SEMA3E: variants seen among roughly 807,000 people sequenced by gnomAD.
The protein encoded by SEMA3E is semaphorin 3E, also known as semaphorin-3E.
Under a neutral mutation model 93.6 loss-of-function variants are expected in SEMA3E, and 49 were observed. That is an observed-to-expected ratio of 0.52 (90% CI 0.42 to 0.66). The LOEUF is 0.66. Ranked by LOEUF, SEMA3E falls within the 30% of genes least tolerant of loss-of-function variation. The pLI is 0.00. For missense variants in SEMA3E, 906 were observed against 964.8 expected (o/e 0.94, Z 0.81); for synonymous variants, 363 against 330.7 (o/e 1.10, Z -1.06).
chr7:83,597,283 C>A (rs1792896039), intron 1 of SEMA3E, among the ~76,000 whole-genome samples: 1 of 152,144 alleles, frequency 6.6e-6, no homozygotes, highest in South Asian at 2.1e-4. Flanking sequence ...AATTCTTGGT[C>A]ATGAAAGTCT....
chr7:83,532,543 TAAG>T lies in SEMA3E; in HGVS notation c.116-42272_116-42270del, dbSNP rs150147041. ...GTACAGCGGGATGTAACCCTTTCCTTAAGAAGAACGTAAAGACAAATGTATTGC... is the reference window on the plus strand; with the variant it reads ...GTACAGCGGGATGTAACCCTTTCCTTAAGAACGTAAAGACAAATGTATTGC... On this transcript the variant is annotated intron_variant, in intron 1 of 16. Transcript: ENST00000643230. Among the ~76,000 whole-genome samples, 480 of 152,240 alleles carry T rather than the reference TAAG, an allele frequency of 3.2e-3. 3 individuals are homozygous for T. The highest frequency in any genetic ancestry group is 8.3e-3 in the African/African-American group (343 of 41,536).
rs528396686 is a variant in SEMA3E, at chr7:83,631,731, G to A, written c.115+16697C>T. On this transcript the variant is annotated intron_variant, in intron 1 of 16. Coordinates refer to ENST00000643230, the MANE Select transcript of SEMA3E (RefSeq NM_012431.3). The stretch of plus-strand genomic sequence containing the variant: ...TCCTTAACTTCAGCAAACAAACCAC[G>A]TGCATGAAATAAAGGAAAAAGTTGG... Among the ~76,000 whole-genome samples the A allele has an allele frequency of 3.9e-5, 6 of 152,250 alleles. No homozygotes were observed. In the East Asian group the frequency reaches 7.7e-4, roughly 20 times the overall value.
intron 1 of SEMA3E, among the ~76,000 whole-genome samples, chr7:83,626,506 A>G (rs1458785974): frequency 6.6e-6 from 1 of 152,140 alleles, no homozygotes; most frequent in African/African-American, 2.4e-5. Context: ...AGGTGTTTAT[A>G]GTATTTTCTG....
intron 1 of SEMA3E, among the ~76,000 whole-genome samples, chr7:83,561,880 A>G (rs1177247828): frequency 6.6e-6 from 1 of 152,160 alleles, no homozygotes; most frequent in Non-Finnish European, 1.5e-5. Flanking sequence ...AGTATACTAC[A>G]TAATATCTAA....
Position 83,438,264 on chromosome 7 carries a change from C to A in SEMA3E, c.457-19781G>T, listed in dbSNP as rs572395663. Among the ~76,000 whole-genome samples, 7 of 152,000 alleles carry A rather than the reference C, an allele frequency of 4.6e-5. No homozygotes were observed. The South Asian group carries it at 1.4e-3, about 31-fold the overall frequency. On this transcript the variant is annotated intron_variant, in intron 4 of 16. Transcript: ENST00000643230. Reference sequence around the variant, plus strand: ...ATCCCTACCTGGGTCACCAAATTAACCTGACTTTAAATTTATAATTCATGT... The same window carrying A: ...ATCCCTACCTGGGTCACCAAATTAAACTGACTTTAAATTTATAATTCATGT...
intron 4 of SEMA3E, among the ~76,000 whole-genome samples, chr7:83,430,923 A>G (rs569399100): frequency 1.8e-4 from 27 of 152,310 alleles, no homozygotes; most frequent in Non-Finnish European, 7.3e-5. Flanking sequence ...ATGGCCAAGG[A>G]AGAAATTTCA....
At chr7:83,518,482 C>T (rs1790979710) in intron 1 of SEMA3E, among the ~76,000 whole-genome samples, 1 of 152,008 alleles carries the variant, frequency 6.6e-6, no homozygotes. Context: ...TGGTTTCAGT[C>T]TAATGTGGGT....
intron 4 of SEMA3E, among the ~76,000 whole-genome samples, chr7:83,464,166 A>C (rs4025952): frequency 0.022 from 3,403 of 152,098 alleles, 82 homozygotes; most frequent in African/African-American, 0.058. Context: ...CTTCAAGAAA[A>C]GTAGAATGGA....
chr7:83,648,370 CTTTTTTCTTTTTCT>C, intron 1 of SEMA3E, 44 bp downstream of exon 1: 1 of 1,317,448 alleles, frequency 7.6e-7, no homozygotes, highest in African/African-American at 1.5e-5. Flanking sequence ...CTTTTTTTTT[CTTTTTTCTTTTTCT>C]TTTTTTTTTT....
chr7:83,637,569 A>G (rs1296234169), intron 1 of SEMA3E, among the ~76,000 whole-genome samples: 2 of 152,020 alleles, frequency 1.3e-5, no homozygotes, highest in East Asian at 1.9e-4. Context: ...AGTTTCCCCC[A>G]TGCTCTTCTT....
chr7:83,576,148 G>T (rs1304699068), intron 1 of SEMA3E, among the ~76,000 whole-genome samples: 4 of 152,076 alleles, frequency 2.6e-5, no homozygotes, highest in Non-Finnish European at 4.4e-5. Context: ...CTATCCAAAG[G>T]TTTGTTTCTC....
chr7:83,643,868 T>C (rs1351497217), intron 1 of SEMA3E, among the ~76,000 whole-genome samples: 3 of 151,996 alleles, frequency 2.0e-5, no homozygotes, highest in African/African-American at 7.2e-5. Flanking sequence ...TTAATCACTC[T>C]GCTTATGAAT....
chr7:83,451,521 A>C (rs1789358715), intron 4 of SEMA3E, among the ~76,000 whole-genome samples: 1 of 152,224 alleles, frequency 6.6e-6, no homozygotes, highest in Non-Finnish European at 1.5e-5. Flanking sequence ...GATTCTAAGC[A>C]CTTAAGGGTT....
intron 16 of SEMA3E, among the ~76,000 whole-genome samples, chr7:83,380,645 T>C (rs1263948129): frequency 6.6e-6 from 1 of 151,994 alleles, no homozygotes; most frequent in Non-Finnish European, 1.5e-5. Context: ...AATCTCTTGG[T>C]TGAGACAATT....
rs1794647371 is a variant in SEMA3E at position 83,365,170 on chromosome 7, G to A, written c.*2416C>T. Reference sequence around the variant, plus strand: ...GTGTGTGTGTGTGTGTTGGGAGAGAGAGGGAGAAACTGAGAAAATGGTGGG... The same window carrying A: ...GTGTGTGTGTGTGTGTTGGGAGAGAAAGGGAGAAACTGAGAAAATGGTGGG... On this transcript the variant is annotated 3_prime_UTR_variant, in exon 17 of 17. Transcript: ENST00000643230. 6.6e-6 allele frequency: 1 copy of A among 152,024 alleles called. No homozygotes were observed. Among genetic ancestry groups the A allele is most frequent in the East Asian group, 1.9e-4 (1 of 5,184 alleles). The allele number at this position is 152,024 out of a possible 1,614,324, so 9.4% of individuals were successfully genotyped here.
chr7:83,446,373 C>A (rs557080593), intron 4 of SEMA3E, among the ~76,000 whole-genome samples: 2 of 152,226 alleles, frequency 1.3e-5, no homozygotes, highest in African/African-American at 4.8e-5. Flanking sequence ...GTGGAGAAAA[C>A]AAAAGTTTCA....
chr7:83,394,728 T>G lies in SEMA3E; in HGVS notation c.1459-390A>C, dbSNP rs111754372. Among the ~76,000 whole-genome samples, 27 of 152,342 alleles carry G rather than the reference T, an allele frequency of 1.8e-4. 2 individuals carry two copies. The highest frequency in any genetic ancestry group is 6.3e-4 in the African/African-American group (26 of 41,590). ...CCATTGTGTCTTTCAATAGGTGTTA[T>G]TGCTAATAAACCAGGTGATTTTAAT... On this transcript the variant is annotated intron_variant, in intron 12 of 16. Coordinates refer to ENST00000643230, the MANE Select transcript of SEMA3E (RefSeq NM_012431.3).
rs369374165 is a variant in SEMA3E, at chr7:83,403,301, C to T, written c.999-525G>A. Among the ~76,000 whole-genome samples the T allele has an allele frequency of 1.1e-4, 17 of 151,812 alleles. No individual in the cohort carries two copies. In the East Asian group the frequency reaches 1.9e-3, roughly 17 times the overall value. On this transcript the variant is annotated intron_variant, in intron 9 of 16. Transcript: ENST00000643230. ...ATTTAGGCTTTTTTCCATTTTTTAG[C>T]GGGGGTTCATGTAAACTTTAATATG...
At chr7:83,372,995 A>G (rs900348845) in intron 16 of SEMA3E, 1 of 152,132 alleles carries the variant, frequency 6.6e-6, no homozygotes, top group African/African-American at 2.4e-5. Flanking sequence ...ACGTCTGCAG[A>G]CCAGATTTTC....
Sources: allele counts gnomAD v4.1 joint callset (sites outside exome capture counted in the v4.1 genomes callset), GRCh38; gene constraint gnomAD v4.1.1; transcripts MANE v1.5; gene names NCBI Gene and HGNC (gene_info 2026-07-23, HGNC 2026-07-21).